Variants in CHAF1A observed in about 807,000 individuals in gnomAD.
The protein encoded by CHAF1A is chromatin assembly factor 1 subunit A.
Under a neutral mutation model 93.2 loss-of-function variants are expected in CHAF1A, and 5 were observed. The observed-to-expected ratio is 0.05, with a 90% CI of 0.03 to 0.11. The LOEUF (loss-of-function observed/expected upper bound fraction) is 0.11, where lower values mean the gene tolerates loss of function less well. CHAF1A is among the 10% of genes least tolerant of loss of function. CHAF1A has a pLI of 1.00. For missense variants in CHAF1A, 1,102 were observed against 1,259.9 expected, an observed-to-expected ratio of 0.87 and a Z score of 1.90; for synonymous variants, 504 against 510.3, an observed-to-expected ratio of 0.99 and a Z score of 0.17.
intron 2 of CHAF1A, 149 bp from the exon 3 acceptor site, chr19:4,408,754 A>G (rs243347): frequency 0.98 from 963,621 of 985,506 alleles, 471,173 homozygotes; most frequent in Middle Eastern, 0.99. Flanking sequence ...GATTACAGGC[A>G]TGAGCCACCA....
chr19:4,426,608 G>A (rs1974086012), intron 7 of CHAF1A, among the ~76,000 whole-genome samples: 1 of 152,120 alleles, frequency 6.6e-6, no homozygotes, highest in African/African-American at 2.4e-5. Flanking sequence ...CCGAGTAGCT[G>A]AGATTACAGG....
intron 3 of CHAF1A, among the ~76,000 whole-genome samples, chr19:4,412,387 A>T (rs958179707): frequency 8.5e-5 from 13 of 152,308 alleles, no homozygotes; most frequent in African/African-American, 2.9e-4. Flanking sequence ...TACTAAAAAT[A>T]CAGAAAATTA....
intron 7 of CHAF1A, among the ~76,000 whole-genome samples, chr19:4,425,202 C>T (rs775053850): frequency 1.5e-4 from 23 of 152,084 alleles, no homozygotes; most frequent in Admixed American, 7.2e-4. Flanking sequence ...TTTTCACTGC[C>T]GCATAATACT....
chr19:4,445,814 A>G, downstream of CHAF1A: 1 of 1,083,778 alleles, frequency 9.2e-7, no homozygotes. Context: ...AACCTACTGC[A>G]CTAGCTAACG....
Position 4,433,075 on chromosome 19 carries a change from G to C in CHAF1A, c.2209G>C (p.Ala737Pro), listed in dbSNP as rs1974216625. Reference protein sequence around the residue: ...KRERRDEQILAQLLPLLHGNV... With the variant: ...KRERRDEQILPQLLPLLHGNV... ...CCCATGTTCCCTCCTGCCAGTCCTGGCCCAGCTGCTGCCGCTCCTGCACGG... is the reference window on the plus strand; with the variant it reads ...CCCATGTTCCCTCCTGCCAGTCCTGCCCCAGCTGCTGCCGCTCCTGCACGG... The change falls in exon 13 of 15, where the codon GCC (alanine) becomes CCC (proline). Residue 737 changes from alanine to proline, a missense_variant. Physicochemically the swap from Ala to Pro is conservative, Grantham distance 27. Around this residue, in one of 6 missense-constraint regions of CHAF1A, gnomAD observed 335 missense variants for 361.9 expected, o/e 0.93. Transcript: ENST00000301280. This position sits in a 1 kb window ranked among gnomAD's most constrained non-coding sequence, Gnocchi z 5.6. The C allele has an allele frequency of 3.2e-6, 5 of 1,567,484 alleles. No homozygotes were observed. Among genetic ancestry groups the C allele is most frequent in the Non-Finnish European group, 4.3e-6 (5 of 1,151,654 alleles).
chr19:4,412,197 G>A (rs990433854), intron 3 of CHAF1A, among the ~76,000 whole-genome samples: 1 of 152,182 alleles, frequency 6.6e-6, no homozygotes, highest in African/African-American at 2.4e-5. Flanking sequence ...ATTTCTTCCA[G>A]GCTGCTGCCG....
downstream of CHAF1A, chr19:4,445,642 G>A (rs371626143): frequency 2.9e-5 from 47 of 1,609,242 alleles, no homozygotes; most frequent in Admixed American, 2.3e-4. Context: ...GGGGTAGGCC[G>A]TCACTCTGAG....
At chr19:4,438,178 ATTTT>A (rs1599663996) in intron 13 of CHAF1A, among the ~76,000 whole-genome samples, 1 of 151,686 alleles carries the variant, frequency 6.6e-6, no homozygotes, top group East Asian at 1.9e-4. Flanking sequence ...GTACTAAGGT[ATTTT>A]TTCTGAATTT....
chr19:4,422,590 C>T lies in CHAF1A; in HGVS notation c.1042C>T (p.Leu348Phe). 1 of 1,571,878 alleles carries T rather than the reference C, an allele frequency of 6.4e-7. No individual in the cohort carries two copies. Among genetic ancestry groups the T allele is most frequent in the South Asian group, 1.2e-5 (1 of 85,788 alleles). Residue 348 changes from leucine to phenylalanine, a missense_variant, in exon 5 of 15, where the codon CTC (leucine) becomes TTC (phenylalanine). Transcript: ENST00000301280. This position sits in a 1 kb window ranked among gnomAD's most constrained non-coding sequence, Gnocchi z 4.6. ...GGATCAGGAGCGTCTGGGCAAGCAG[C>T]TCAAGTTACGTGCAGAAAGGGAAGA... ...QRDQERLGKQ[L>F]KLRAEREEKE...
In CHAF1A at chr19:4,418,044, T is replaced by C; in HGVS notation, c.985T>C (p.Ser329Pro). 2 of 1,607,168 alleles carry C rather than the reference T, an allele frequency of 1.2e-6. No individual in the cohort carries two copies. The highest frequency in any genetic ancestry group is 1.7e-6 in the Non-Finnish European group (2 of 1,176,972). The change falls in exon 4 of 15, where the codon TCT (serine) becomes CCT (proline). Residue 329 changes from serine (S) to proline (P), a missense_variant. Physicochemically the swap from Ser to Pro is moderately conservative, Grantham distance 74. Around this residue, in one of 6 missense-constraint regions of CHAF1A, gnomAD observed 379 missense variants for 365.7 expected, o/e 1.04. Transcript: ENST00000301280. ...GATAACTAAGAAATTCGTCAAAGGC[T>C]CTACAGAGAAGAACAAGCTCAGACT... ...RRITKKFVKG[S>P]TEKNKLRLQR...
chr19:4,447,520 T>G (rs1436753823), downstream of CHAF1A: 2 of 1,611,304 alleles, frequency 1.2e-6, no homozygotes, highest in African/African-American at 1.3e-5. Context: ...ACCCCCAGCC[T>G]GGGCCCCGGG....
intron 3 of CHAF1A, among the ~76,000 whole-genome samples, chr19:4,411,834 G>T (rs574175710): frequency 6.6e-6 from 1 of 151,418 alleles, no homozygotes; most frequent in Non-Finnish European, 1.5e-5. Context: ...CTTTTCAGTA[G>T]AGACGGGTTT....
At chr19:4,426,569 C>T (rs1346257145) in intron 7 of CHAF1A, among the ~76,000 whole-genome samples, 2 of 150,718 alleles carry the variant, frequency 1.3e-5, no homozygotes, top group African/African-American at 4.9e-5. Context: ...CTGCCTCCTG[C>T]GTTCAAATGA....
chr19:4,402,676 C>A lies in CHAF1A; in HGVS notation c.-87C>A. On this transcript the variant is annotated 5_prime_UTR_variant, in exon 1 of 15. Transcript: ENST00000301280. ...GCGGCGGCCGCGGCGGCAGCAGCGG[C>A]GCGGGCGGGAGGGCGAAGAGCAGCG... 7.8e-6 allele frequency: 7 copies of A among 896,380 alleles called. No individual in the cohort carries two copies. Among genetic ancestry groups the A allele is most frequent in the Non-Finnish European group, 1.0e-5 (7 of 696,158 alleles). The allele number at this position is 896,380 out of a possible 1,614,324, so 55.5% of individuals were successfully genotyped here. A position where few individuals can be genotyped will look rare whatever the true frequency, so the allele number is the denominator to read the frequency against.
At chr19:4,420,318 C>T (rs538350664) in intron 4 of CHAF1A, among the ~76,000 whole-genome samples, 8 of 152,190 alleles carry the variant, frequency 5.3e-5, no homozygotes, top group South Asian at 2.1e-4. Flanking sequence ...TCTCGGCTCC[C>T]TGCAACCTCC....
chr19:4,431,926 T>G, intron 11 of CHAF1A, 26 bp from the exon 12 acceptor site: 1 of 1,578,850 alleles, frequency 6.3e-7, no homozygotes, highest in Non-Finnish European at 8.6e-7. Context: ...GAACCCCAAA[T>G]AAACTTCTGC....
chr19:4,446,348 C>T (rs763463983), downstream of CHAF1A: 6 of 1,570,860 alleles, frequency 3.8e-6, no homozygotes, highest in African/African-American at 1.3e-5. Flanking sequence ...GCGCAGCCCC[C>T]GCTGCTCCTC....
At chr19:4,413,124 G>C (rs897498777) in intron 3 of CHAF1A, among the ~76,000 whole-genome samples, 23 of 152,088 alleles carry the variant, frequency 1.5e-4, no homozygotes, top group Non-Finnish European at 3.2e-4. Flanking sequence ...CCAGGTTGGA[G>C]TGCAATGGCG....
chr19:4,408,280 C>T (rs1343654649), intron 2 of CHAF1A, among the ~76,000 whole-genome samples: 3 of 150,424 alleles, frequency 2.0e-5, no homozygotes, highest in Non-Finnish European at 3.0e-5. Context: ...GCAGGCTCCG[C>T]CCCCCGGGTT....
Sources: gnomAD v4.1 joint callset for allele counts (sites outside exome capture counted in the v4.1 genomes callset) on GRCh38, gnomAD v4.1.1 for gene constraint, gnomAD v4.1.1 regional missense constraint, Gnocchi (gnomAD v3.1) non-coding constraint, MANE v1.5 for transcripts, NCBI Gene and HGNC (gene_info 2026-07-23, HGNC 2026-07-21) for gene names.